Variants in KDM1B observed in about 807,000 individuals in gnomAD.
KDM1B encodes the protein lysine-specific histone demethylase 2.
KDM1B carries 63 observed loss-of-function variants against 107.4 expected under a neutral mutation model. The observed-to-expected ratio is 0.59, with a 90% CI of 0.48 to 0.72. KDM1B has a LOEUF of 0.72. KDM1B is among the 30% of genes least tolerant of loss of function. The pLI is 0.00. For missense variants in KDM1B, 749 were observed against 1,020.8 expected (o/e 0.73, Z 3.63); for synonymous variants, 363 against 363.9 (o/e 1.00, Z 0.03).
Position 18,204,815 on chromosome 6 carries a change from A to G in KDM1B, c.1532-722A>G, listed in dbSNP as rs914305646. On this transcript the variant is annotated intron_variant, in intron 14 of 21. Transcript: ENST00000650836. The surrounding 1 kb of genome is among the most constrained non-coding windows in gnomAD (Gnocchi z 4.9). ...TGGATGGGATTGGGTGGGAGAAGGCATTCCCATGAGGGAGAGTGGGAGGTC... is the reference window on the plus strand; with the variant it reads ...TGGATGGGATTGGGTGGGAGAAGGCGTTCCCATGAGGGAGAGTGGGAGGTC... Among the ~76,000 whole-genome samples the G allele has an allele frequency of 6.6e-6, 1 of 152,208 alleles. No individual in the cohort carries two copies. The highest frequency in any genetic ancestry group is 1.5e-5 in the Non-Finnish European group (1 of 68,030).
chr6:18,156,462 T>G (rs1305073807), intron 2 of KDM1B, among the ~76,000 whole-genome samples: 1 of 151,996 alleles, frequency 6.6e-6, no homozygotes, highest in Non-Finnish European at 1.5e-5. Context: ...CTTTGACCAG[T>G]TTTGTTTTGT....
chr6:18,199,070 C>CACCTGTG (rs1787868750), intron 12 of KDM1B, among the ~76,000 whole-genome samples: 1 of 148,440 alleles, frequency 6.7e-6, no homozygotes, highest in South Asian at 2.1e-4. Context: ...TGGTGGTATG[C>CACCTGTG]ACCTGTGGCC....
chr6:18,170,128 C>A (rs1785560119), intron 6 of KDM1B, among the ~76,000 whole-genome samples: 1 of 152,042 alleles, frequency 6.6e-6, no homozygotes, highest in Non-Finnish European at 1.5e-5. Flanking sequence ...CCAGGCTGGT[C>A]TTGAGCTCCT....
At chr6:18,206,805 C>T (rs1421934855) in intron 15 of KDM1B, among the ~76,000 whole-genome samples, 1 of 152,098 alleles carries the variant, frequency 6.6e-6, no homozygotes, top group Non-Finnish European at 1.5e-5. Flanking sequence ...GGAAACACTG[C>T]TCTCGAGAAG....
At chr6:18,165,869 G>C (rs369206999) in intron 5 of KDM1B, among the ~76,000 whole-genome samples, 1 of 152,048 alleles carries the variant, frequency 6.6e-6, no homozygotes, top group African/African-American at 2.4e-5. Context: ...TTCGGAACTG[G>C]TTCCAGCTAC....
intron 5 of KDM1B, among the ~76,000 whole-genome samples, chr6:18,165,297 AT>A (rs1785225592): frequency 6.6e-6 from 1 of 151,310 alleles, no homozygotes; most frequent in Non-Finnish European, 1.5e-5. Flanking sequence ...CACCTGGCTA[AT>A]TTTTTGTATT....
chr6:18,214,963 G>A lies in KDM1B; in HGVS notation c.2110-44G>A. ...AAAAAAGAGGCCCTTATCTGTGGGA[G>A]CTGAGCACTCACAGACCTCCTGCTT... On this transcript the variant is annotated intron_variant, in intron 19 of 21. Transcript: ENST00000650836. This position sits in a 1 kb window ranked among gnomAD's most constrained non-coding sequence, Gnocchi z 4.4. 6.3e-7 allele frequency: 1 copy of A among 1,599,472 alleles called. No homozygotes were observed.
In KDM1B at chr6:18,223,200, C is replaced by G. The variant is rs1014543584; in HGVS notation, c.*1208C>G. The G allele has an allele frequency of 6.6e-6, 1 of 152,346 alleles. No individual in the cohort carries two copies. The highest frequency in any genetic ancestry group is 1.5e-5 in the Non-Finnish European group (1 of 67,990). 9.4% of individuals were successfully genotyped at this position (152,346 alleles called of 1,614,324 possible). On this transcript the variant is annotated 3_prime_UTR_variant, in exon 22 of 22. Coordinates refer to ENST00000650836, the MANE Select transcript of KDM1B (RefSeq NM_001364614.2). Reference sequence around the variant, plus strand: ...ATACTGGTTTGCTTTAAAGAAGGGACTAAATATGACTTTAAAGAGACTTCA... The same window carrying G: ...ATACTGGTTTGCTTTAAAGAAGGGAGTAAATATGACTTTAAAGAGACTTCA...
chr6:18,182,261 C>A (rs2150887229), intron 7 of KDM1B, among the ~76,000 whole-genome samples: 1 of 152,158 alleles, frequency 6.6e-6, no homozygotes. Flanking sequence ...CTTTGAGACC[C>A]CTTCATCTTA....
At chr6:18,196,573 G>A (rs1456440180) in intron 10 of KDM1B, among the ~76,000 whole-genome samples, 3 of 152,074 alleles carry the variant, frequency 2.0e-5, no homozygotes, top group African/African-American at 4.8e-5. Flanking sequence ...ATTAGTGATG[G>A]TGAGGAGTTT....
intron 12 of KDM1B, among the ~76,000 whole-genome samples, chr6:18,198,516 A>G (rs1419159584): frequency 6.6e-6 from 1 of 151,706 alleles, no homozygotes; most frequent in Non-Finnish European, 1.5e-5. Flanking sequence ...GGTGCGAGCC[A>G]CTGTGCCCGG....
In KDM1B at chr6:18,162,869, C is replaced by T. The variant is rs749869144; in HGVS notation, c.250C>T (p.His84Tyr). 14 of 1,611,990 alleles carry T rather than the reference C, an allele frequency of 8.7e-6. No homozygotes were observed. The highest frequency in any genetic ancestry group is 1.1e-5 in the Non-Finnish European group (13 of 1,178,046). Residue 84 changes from histidine (H) to tyrosine (Y), a missense_variant, in exon 5 of 22, where the codon CAT (histidine) becomes TAT (tyrosine). By Grantham distance (83) the His-to-Tyr change is moderately conservative. Transcript: ENST00000650836. This position sits in a 1 kb window ranked among gnomAD's most constrained non-coding sequence, Gnocchi z 4.1. Reference sequence around the variant, plus strand: ...AAATGGCTACACCTCCCGATGGTATCATCTCTCCTGTGGGGAACATTTCTG... The same window carrying T: ...AAATGGCTACACCTCCCGATGGTATTATCTCTCCTGTGGGGAACATTTCTG... ...AKNGYTSRWY[H>Y]LSCGEHFCNE...
rs760851352 is a variant in KDM1B, at chr6:18,214,252, C to G, written c.2109+471C>G. 1.4e-4 allele frequency among the ~76,000 whole-genome samples: 22 copies of G among 152,206 alleles called. No homozygotes were observed. The highest frequency in any genetic ancestry group is 2.9e-4 in the Non-Finnish European group (20 of 68,050). On this transcript the variant is annotated intron_variant, in intron 19 of 21. Coordinates refer to ENST00000650836, the MANE Select transcript of KDM1B (RefSeq NM_001364614.2). This position sits in a 1 kb window ranked among gnomAD's most constrained non-coding sequence, Gnocchi z 4.4. ...CGGGGGTGGTCACTTTCTCTGCCGT[C>G]ATGTCACTGCCACACGAAAGAATCA...
rs78037933 is a variant in KDM1B, at chr6:18,200,674, A to G, written c.1359+98A>G. On this transcript the variant is annotated intron_variant, in intron 13 of 21. Transcript: ENST00000650836. This position sits in a 1 kb window ranked among gnomAD's most constrained non-coding sequence, Gnocchi z 4.3. ...AATATGCTTCTAAAGTAAATTACAT[A>G]TAACAGCCCCCTCATCTCCTATGCA... is the stretch of plus-strand genomic sequence containing the variant. The G allele has an allele frequency of 0.013, 13,755 of 1,082,888 alleles. 579 individuals carry two copies. The African/African-American group carries it at 0.13, about 10-fold the overall frequency. The allele number at this position is 1,082,888 out of a possible 1,614,324, so 67.1% of individuals were successfully genotyped here.
At chr6:18,171,513 A>G (rs1243357714) in intron 7 of KDM1B, 34 bp downstream of exon 7, 21 of 1,051,528 alleles carry the variant, frequency 2.0e-5, no homozygotes, top group Admixed American at 1.0e-4. Context: ...GTTAATTGAT[A>G]TATTAATGTA....
chr6:18,200,309 T>G lies in KDM1B; in HGVS notation c.1222-130T>G. The G allele has an allele frequency of 2.1e-6, 2 of 971,946 alleles. No homozygotes were observed. The highest frequency in any genetic ancestry group is 3.0e-6 in the Non-Finnish European group (2 of 666,054). 60.2% of individuals were successfully genotyped at this position (971,946 alleles called of 1,614,324 possible). A position where few individuals can be genotyped will look rare whatever the true frequency, so the allele number is the denominator to read the frequency against. ...TCACACTGCCTGCTTTTTAAAGTTGTTTTTTTAGAAATATTTGGAATTAAC... is the reference window on the plus strand; with the variant it reads ...TCACACTGCCTGCTTTTTAAAGTTGGTTTTTTAGAAATATTTGGAATTAAC... On this transcript the variant is annotated intron_variant, in intron 12 of 21. Transcript: ENST00000650836. This position sits in a 1 kb window ranked among gnomAD's most constrained non-coding sequence, Gnocchi z 4.3.
At chr6:18,165,066 T>C (rs1459558873) in intron 5 of KDM1B, among the ~76,000 whole-genome samples, 1 of 152,056 alleles carries the variant, frequency 6.6e-6, no homozygotes, top group Non-Finnish European at 1.5e-5. Context: ...GATTAAAATA[T>C]CTTGCTAGCT....
intron 17 of KDM1B, among the ~76,000 whole-genome samples, chr6:18,210,359 T>TTTTG (rs1788764141): frequency 1.1e-5 from 1 of 90,592 alleles, no homozygotes; most frequent in Admixed American, 1.4e-4. Flanking sequence ...TTTTTTTTTT[T>TTTTG]TTTTTTTTTT....
intron 7 of KDM1B, among the ~76,000 whole-genome samples, chr6:18,174,450 T>TA (rs774243757): frequency 5.6e-4 from 85 of 152,244 alleles, no homozygotes; most frequent in African/African-American, 1.9e-3. Context: ...ATCTGGCTGA[T>TA]ACGTATTTAT....
Sources: allele counts gnomAD v4.1 joint callset (sites outside exome capture counted in the v4.1 genomes callset), GRCh38; gene constraint gnomAD v4.1.1; non-coding constraint Gnocchi (gnomAD v3.1); transcripts MANE v1.5; gene names NCBI Gene and HGNC (gene_info 2026-07-23, HGNC 2026-07-21).